The following TANGO6 variants were observed in gnomAD, a reference collection of about 807,000 sequenced individuals.
The protein encoded by TANGO6 is transport and Golgi organization protein 6 homolog.
Under a neutral mutation model 114.2 loss-of-function variants are expected in TANGO6, and 90 were observed. The ratio of observed to expected loss-of-function variants is 0.79; its 90% CI spans 0.66 to 0.94. TANGO6 has a LOEUF of 0.94. Ranked by LOEUF, TANGO6 falls within the 40% of genes least tolerant of loss-of-function variation. The probability of loss-of-function intolerance (pLI) is 0.00; values close to 1 mark genes in which losing one functional copy is unlikely to be tolerated. For synonymous variants in TANGO6, 477 were observed against 509.8 expected (o/e 0.94, Z 0.87); for missense variants, 1,274 against 1,315.3 (o/e 0.97, Z 0.49).
At chr16:69,009,460 G>A (rs1244106242) in intron 15 of TANGO6, among the ~76,000 whole-genome samples, 1 of 152,090 alleles carries the variant, frequency 6.6e-6, no homozygotes, top group African/African-American at 2.4e-5. Context: ...CTTGATTATT[G>A]TAGATTTGTA....
At chr16:69,045,304 T>A (rs1440207874) in intron 17 of TANGO6, among the ~76,000 whole-genome samples, 4 of 131,972 alleles carry the variant, frequency 3.0e-5, no homozygotes, top group Admixed American at 8.0e-5. Context: ...ATTAGCCGGG[T>A]GTGGTGGCGG....
chr16:69,025,720 T>G (rs1366219399), intron 16 of TANGO6: 3 of 152,486 alleles, frequency 2.0e-5, no homozygotes, highest in South Asian at 2.1e-4. Flanking sequence ...GGCATTTGGC[T>G]GCCTCCTGTA....
intron 4 of TANGO6, among the ~76,000 whole-genome samples, chr16:68,871,718 C>T (rs1465146895): frequency 2.0e-5 from 3 of 152,142 alleles, no homozygotes; most frequent in Non-Finnish European, 4.4e-5. Context: ...CTCCCAGGTT[C>T]AAGCAATTCT....
intron 15 of TANGO6, among the ~76,000 whole-genome samples, chr16:68,997,065 G>T (rs1439193516): frequency 1.5e-4 from 23 of 152,204 alleles, no homozygotes; most frequent in Admixed American, 1.4e-3. Context: ...ACATCTGTGG[G>T]TTAATGTTTG....
At chr16:68,878,731 G>C (rs1962409963) in intron 6 of TANGO6, among the ~76,000 whole-genome samples, 1 of 151,848 alleles carries the variant, frequency 6.6e-6, no homozygotes, top group African/African-American at 2.4e-5. Context: ...TTCTCTAATT[G>C]TTTCAATAAT....
intron 17 of TANGO6, among the ~76,000 whole-genome samples, chr16:69,081,302 A>C (rs1402210171): frequency 6.6e-6 from 1 of 151,652 alleles, no homozygotes; most frequent in Non-Finnish European, 1.5e-5. Context: ...CAGACAAGTC[A>C]CATGACCCCC....
intron 15 of TANGO6, among the ~76,000 whole-genome samples, chr16:68,977,935 C>G (rs540886988): frequency 3.9e-5 from 6 of 152,212 alleles, no homozygotes; most frequent in African/African-American, 1.4e-4. Flanking sequence ...ATCCGCCTGC[C>G]TTGGCCTCCC....
At chr16:68,875,734 A>G (rs1231442352) in intron 5 of TANGO6, among the ~76,000 whole-genome samples, 4 of 149,262 alleles carry the variant, frequency 2.7e-5, no homozygotes, top group Non-Finnish European at 4.4e-5. Context: ...GAGCCATTAC[A>G]CTCCAGCCTG....
rs1960502831 is a variant in TANGO6, at chr16:69,083,869, A to G, written c.*208A>G. ...CCCGCGTTCAGCCTGAGGGGTGTAC[A>G]GTTAAGAGAAGACAGTTACAGATCT... On this transcript the variant is annotated 3_prime_UTR_variant, in exon 18 of 18. Coordinates refer to ENST00000261778, the MANE Select transcript of TANGO6 (RefSeq NM_024562.2). The G allele has an allele frequency of 1.9e-6, 1 of 517,566 alleles. No homozygotes were observed. The highest frequency in any genetic ancestry group is 1.9e-5 in the African/African-American group (1 of 52,330). The allele number at this position is 517,566 out of a possible 1,614,324, so 32.1% of individuals were successfully genotyped here.
intron 7 of TANGO6, among the ~76,000 whole-genome samples, chr16:68,895,229 G>A (rs893311377): frequency 3.3e-5 from 5 of 152,078 alleles, no homozygotes; most frequent in Admixed American, 6.6e-5. Flanking sequence ...TGTGCCAGTA[G>A]TCTCAGCTAC....
Position 68,969,311 on chromosome 16 carries a change from A to C in TANGO6, c.2702-4717A>C, listed in dbSNP as rs183181627. 8.0e-3 allele frequency among the ~76,000 whole-genome samples: 1,211 copies of C among 152,308 alleles called. 8 individuals carry two copies. Among genetic ancestry groups the C allele is most frequent in the Non-Finnish European group, 0.011 (757 of 68,030 alleles). On this transcript the variant is annotated intron_variant, in intron 14 of 17. Coordinates refer to ENST00000261778, the MANE Select transcript of TANGO6 (RefSeq NM_024562.2). ...ATGTGAAGGTTATGGCCGTGCTTCC[A>C]CAGAGTGTCTAAGTACAGAAAGTTT...
At chr16:68,979,055 G>A (rs1192413035) in intron 15 of TANGO6, among the ~76,000 whole-genome samples, 1 of 151,342 alleles carries the variant, frequency 6.6e-6, no homozygotes, top group South Asian at 2.1e-4. Flanking sequence ...AAGTAGCTAG[G>A]ACCACAGGTG....
chr16:69,055,755 C>T (rs1188203185), intron 17 of TANGO6, among the ~76,000 whole-genome samples: 1 of 152,180 alleles, frequency 6.6e-6, no homozygotes, highest in Non-Finnish European at 1.5e-5. Flanking sequence ...AAAGCTGAGC[C>T]AGGCGTGCTG....
intron 3 of TANGO6, among the ~76,000 whole-genome samples, chr16:68,865,271 G>A (rs1336827281): frequency 6.5e-5 from 9 of 138,788 alleles, no homozygotes; most frequent in Middle Eastern, 8.1e-3. Flanking sequence ...GCGAGACTCC[G>A]TCTCAAAAAA....
At chr16:68,845,070 C>T (rs1483600549) in intron 1 of TANGO6, among the ~76,000 whole-genome samples, 2 of 150,470 alleles carry the variant, frequency 1.3e-5, no homozygotes, top group African/African-American at 2.5e-5. Flanking sequence ...CAGGTTCAAG[C>T]GATTCTCCTG....
intron 12 of TANGO6, among the ~76,000 whole-genome samples, chr16:68,922,757 GA>G (rs1963112727): frequency 6.6e-6 from 1 of 151,898 alleles, no homozygotes; most frequent in South Asian, 2.1e-4. Context: ...CCTTCTTTAG[GA>G]AAAACCAAAA....
intron 14 of TANGO6, among the ~76,000 whole-genome samples, chr16:68,953,025 A>G (rs1358462457): frequency 6.7e-6 from 1 of 149,886 alleles, no homozygotes; most frequent in Non-Finnish European, 1.5e-5. Flanking sequence ...ATGGCTTAAA[A>G]TGTTCATTCA....
chr16:68,982,629 C>CATTTTTTTTT (rs1567553024), intron 15 of TANGO6, among the ~76,000 whole-genome samples: 9 of 120,526 alleles, frequency 7.5e-5, no homozygotes, highest in African/African-American at 3.6e-4. Flanking sequence ...CATGCCCTGG[C>CATTTTTTTTT]CTTTTTTTTT....
chr16:69,083,123 C>T (rs1300581853), intron 17 of TANGO6, among the ~76,000 whole-genome samples: 2 of 144,900 alleles, frequency 1.4e-5, no homozygotes, highest in Admixed American at 7.0e-5. Context: ...TTTTCTGCAC[C>T]GTCATGGCTC....
Sources: allele counts gnomAD v4.1 joint callset (sites outside exome capture counted in the v4.1 genomes callset), GRCh38; gene constraint gnomAD v4.1.1; transcripts MANE v1.5; gene names NCBI Gene and HGNC (gene_info 2026-07-23, HGNC 2026-07-21).